IRS1: variants seen among roughly 807,000 people sequenced by gnomAD.
IRS1 encodes insulin receptor substrate 1.
In IRS1, 34 loss-of-function variants were observed where a neutral mutation model predicts 65.6. The ratio of observed to expected loss-of-function variants is 0.52; its 90% CI spans 0.39 to 0.69. The LOEUF is 0.69. Ranked by LOEUF, IRS1 falls within the 30% of genes least tolerant of loss-of-function variation. The probability of loss-of-function intolerance (pLI) is 0.00; values close to 1 mark genes in which losing one functional copy is unlikely to be tolerated. For missense variants in IRS1, 1,641 were observed against 1,720.2 expected (o/e 0.95, Z 0.81); for synonymous variants, 699 against 683.5 (o/e 1.02, Z -0.35).
At chr2:226,748,888 G>A (rs2106161545) in intron 1 of IRS1, among the ~76,000 whole-genome samples, 1 of 152,222 alleles carries the variant, frequency 6.6e-6, no homozygotes, top group East Asian at 1.9e-4. Flanking sequence ...TGATTTCCAG[G>A]TGGTTAAATA....
At position 226,797,638 on chromosome 2, in the gene IRS1, G is replaced by A. The variant is rs758704985; in HGVS notation, c.1101C>T (p.Pro367=). ...HRHRGSARLH[P]PLNHSRSIPM... ...GGATGGAGCGGCTGTGGTTGAGCGG[G>A]GGGTGCAGCCGGGCGCTGCCCCGAT... The change falls in exon 1 of 2, where the codon CCC becomes CCT. Residue 367 remains proline (P), a synonymous_variant. Coordinates refer to ENST00000305123, the MANE Select transcript of IRS1 (RefSeq NM_005544.3). This position sits in a 1 kb window ranked among gnomAD's most constrained non-coding sequence, Gnocchi z 8.1. 6.3e-7 allele frequency: 1 copy of A among 1,590,698 alleles called. No homozygotes were observed. Among genetic ancestry groups the A allele is most frequent in the South Asian group, 1.1e-5 (1 of 88,796 alleles).
At chr2:226,779,082 T>C (rs138187890) in intron 1 of IRS1, among the ~76,000 whole-genome samples, 1 of 152,208 alleles carries the variant, frequency 6.6e-6, no homozygotes, top group South Asian at 2.1e-4. Flanking sequence ...AACTCCTTAT[T>C]GTACCACTTA....
chr2:226,752,796 A>C (rs1938709904), intron 1 of IRS1, among the ~76,000 whole-genome samples: 1 of 152,180 alleles, frequency 6.6e-6, no homozygotes, highest in Non-Finnish European at 1.5e-5. Flanking sequence ...TAAGGCACTC[A>C]CTGCTGGACC....
chr2:226,791,694 G>A (rs966076794), intron 1 of IRS1, among the ~76,000 whole-genome samples: 1 of 151,962 alleles, frequency 6.6e-6, no homozygotes, highest in Non-Finnish European at 1.5e-5. Context: ...GCCCGCCGCG[G>A]CTCAGCCGTT....
Position 226,798,436 on chromosome 2 carries a change from G to C in IRS1, c.303C>G (p.Ala101=). 1 of 1,614,094 alleles carries C rather than the reference G, an allele frequency of 6.2e-7. No individual in the cohort carries two copies. Among genetic ancestry groups the C allele is most frequent in the Non-Finnish European group, 8.5e-7 (1 of 1,180,022 alleles). The change falls in exon 1 of 2, where the codon GCC becomes GCG. Residue 101 remains alanine, a synonymous_variant. Transcript: ENST00000305123. This position sits in a 1 kb window ranked among gnomAD's most constrained non-coding sequence, Gnocchi z 9.4. The part of the protein sequence containing the change: ...EHFAIAADSE[A]EQDSWYQALL... ...GAGCCTGGTACCAGCTGTCTTGCTC[G>C]GCCTCGCTGTCCGCCGCGATGGCAA...
In IRS1 at chr2:226,769,231, G is replaced by A. The variant is rs539998115; in HGVS notation, c.*21+25758C>T. 3.3e-5 allele frequency among the ~76,000 whole-genome samples: 5 copies of A among 152,274 alleles called. No homozygotes were observed. In the South Asian group the frequency reaches 8.3e-4, roughly 25 times the overall value. The stretch of plus-strand genomic sequence containing the variant: ...CATGCCAAAGATGAAAATCCACTAA[G>A]CAGAGTCAAAAAAGAGTTATGAACA... On this transcript the variant is annotated intron_variant, in intron 1 of 1. Transcript: ENST00000305123.
intron 1 of IRS1, among the ~76,000 whole-genome samples, chr2:226,747,552 G>A (rs913453810): frequency 2.0e-5 from 3 of 152,112 alleles, no homozygotes; most frequent in African/African-American, 7.2e-5. Flanking sequence ...ATAAATGTGT[G>A]TTGTTTAAGC....
chr2:226,796,514 T>G lies in IRS1; in HGVS notation c.2225A>C (p.Asn742Thr). 5.0e-6 allele frequency: 8 copies of G among 1,613,978 alleles called. No homozygotes were observed. Among genetic ancestry groups the G allele is most frequent in the Non-Finnish European group, 6.8e-6 (8 of 1,180,008 alleles). The part of the protein sequence containing the change: ...YMNMSPVGDS[N>T]TSSPSDCYYG... ...GTAGCAGTCGGAGGGGCTGCTGGTG[T>G]TGGAGTCCCCCACTGGTGACATGTT... The change falls in exon 1 of 2, where the codon AAC (asparagine) becomes ACC (threonine). Residue 742 changes from asparagine (N) to threonine (T), a missense_variant. Transcript: ENST00000305123.
intron 1 of IRS1, among the ~76,000 whole-genome samples, chr2:226,752,435 T>G (rs1333827618): frequency 6.6e-6 from 1 of 152,190 alleles, no homozygotes; most frequent in African/African-American, 2.4e-5. Context: ...GCTTTTCCAG[T>G]AAATAAAGTT....
At position 226,797,066 on chromosome 2, in the gene IRS1, T is replaced by C. The variant is rs568940466; in HGVS notation, c.1673A>G (p.Tyr558Cys). 2.4e-5 allele frequency: 38 copies of C among 1,611,950 alleles called. 1 individual carries two copies. The South Asian group carries it at 4.1e-4, about 17-fold the overall frequency. The part of the protein sequence containing the change: ...IEEYTEMMPA[Y>C]PPGGGSGGRL... ...GCCTCCACTGCCACCTCCTGGTGGG[T>C]AGGCAGGCATCATCTCTGTGTACTC... is the stretch of plus-strand genomic sequence containing the variant. Residue 558 changes from tyrosine to cysteine, a missense_variant, in exon 1 of 2, where the codon TAC becomes TGC. This residue lies in a region of IRS1 where 1,324 missense variants were observed against 1,361.0 expected (regional missense o/e 0.97). Coordinates refer to ENST00000305123, the MANE Select transcript of IRS1 (RefSeq NM_005544.3). This position sits in a 1 kb window ranked among gnomAD's most constrained non-coding sequence, Gnocchi z 8.1.
chr2:226,798,259 G>A lies in IRS1; in HGVS notation c.480C>T (p.Phe160=). Reference sequence around the variant, plus strand: ...TCAGGATCACTTGCCAGACCTCTTTGAATGCGGGTCCTGGGGGCACGTCAC... The same window carrying A: ...TCAGGATCACTTGCCAGACCTCTTTAAATGCGGGTCCTGGGGGCACGTCAC... ...SYGDVPPGPA[F]KEVWQVILKP... The change falls in exon 1 of 2, where the codon TTC becomes TTT. Residue 160 remains phenylalanine, a synonymous_variant. Coordinates refer to ENST00000305123, the MANE Select transcript of IRS1 (RefSeq NM_005544.3). This position sits in a 1 kb window ranked among gnomAD's most constrained non-coding sequence, Gnocchi z 9.4. 6.2e-7 allele frequency: 1 copy of A among 1,613,362 alleles called. No homozygotes were observed. The highest frequency in any genetic ancestry group is 8.5e-7 in the Non-Finnish European group (1 of 1,179,926).
chr2:226,758,325 T>C (rs372490158), intron 1 of IRS1, among the ~76,000 whole-genome samples: 1 of 152,202 alleles, frequency 6.6e-6, no homozygotes, highest in African/African-American at 2.4e-5. Flanking sequence ...AGCTATATCA[T>C]TAGTCTACTA....
chr2:226,783,864 A>G (rs935666266), intron 1 of IRS1, among the ~76,000 whole-genome samples: 12 of 152,112 alleles, frequency 7.9e-5, no homozygotes, highest in Admixed American at 2.0e-4. Flanking sequence ...AAAAGTATTT[A>G]TGCACTCATT....
At chr2:226,774,609 G>A (rs1939233386) in intron 1 of IRS1, among the ~76,000 whole-genome samples, 1 of 152,128 alleles carries the variant, frequency 6.6e-6, no homozygotes, top group Non-Finnish European at 1.5e-5. Context: ...AGAATGATGA[G>A]TAAAACCTAA....
chr2:226,754,833 A>G (rs763181927), intron 1 of IRS1, among the ~76,000 whole-genome samples: 90 of 152,244 alleles, frequency 5.9e-4, no homozygotes, highest in Non-Finnish European at 1.8e-4. Flanking sequence ...AAATACCTTC[A>G]CTTCTAGAAA....
chr2:226,740,937 T>G (rs1009002376), intron 1 of IRS1, among the ~76,000 whole-genome samples: 1 of 152,154 alleles, frequency 6.6e-6, no homozygotes, highest in Non-Finnish European at 1.5e-5. Flanking sequence ...TTTCCTCCAC[T>G]TAAAGAAATG....
rs572174775 is a variant in IRS1 at position 226,735,003 on chromosome 2, A to T, written c.*1269T>A. On this transcript the variant is annotated 3_prime_UTR_variant, in exon 2 of 2. Coordinates refer to ENST00000305123, the MANE Select transcript of IRS1 (RefSeq NM_005544.3). ...GTAACACTGGAAGTTCTCAAAAAAT[A>T]TGAGATAAGGTAAGAGTCTTAGGGA... The T allele has an allele frequency of 1.2e-4, 19 of 152,364 alleles. No homozygotes were observed. Among genetic ancestry groups the T allele is most frequent in the African/African-American group, 4.3e-4 (18 of 41,592 alleles). 9.4% of individuals were successfully genotyped at this position (152,364 alleles called of 1,614,324 possible). A position where few individuals can be genotyped will look rare whatever the true frequency, so the allele number is the denominator to read the frequency against.
At position 226,797,893 on chromosome 2, in the gene IRS1, G is replaced by A. The variant is rs774359197; in HGVS notation, c.846C>T (p.Val282=). The change falls in exon 1 of 2, where the codon GTC becomes GTT. Residue 282 remains valine (V), a synonymous_variant. Coordinates refer to ENST00000305123, the MANE Select transcript of IRS1 (RefSeq NM_005544.3). This position sits in a 1 kb window ranked among gnomAD's most constrained non-coding sequence, Gnocchi z 8.1. The stretch of plus-strand genomic sequence containing the variant: ...TGTTGAGATGGTGCCGGCGCAGGGG[G>A]ACGCTGATGGGGTTAGAGCAGTTGG... ...SSSNCSNPIS[V]PLRRHHLNNP... is the part of the protein sequence containing the mutation. 2 of 1,611,784 alleles carry A rather than the reference G, an allele frequency of 1.2e-6. No individual in the cohort carries two copies. The highest frequency in any genetic ancestry group is 1.1e-5 in the South Asian group (1 of 91,056).
intron 1 of IRS1, among the ~76,000 whole-genome samples, chr2:226,784,623 A>C (rs986407190): frequency 2.6e-5 from 4 of 152,148 alleles, no homozygotes; most frequent in African/African-American, 7.2e-5. Context: ...GGGTTTCGCC[A>C]TGATGGCCAG....
Sources: gnomAD v4.1 joint callset for allele counts (sites outside exome capture counted in the v4.1 genomes callset) on GRCh38, gnomAD v4.1.1 for gene constraint, gnomAD v4.1.1 regional missense constraint, Gnocchi (gnomAD v3.1) non-coding constraint, MANE v1.5 for transcripts, NCBI Gene and HGNC (gene_info 2026-07-23, HGNC 2026-07-21) for gene names.